The following RELN variants were observed in gnomAD, a reference collection of about 807,000 sequenced individuals.
RELN encodes the protein reelin.
RELN carries 108 observed loss-of-function variants against 427.6 expected under a neutral mutation model. The ratio of observed to expected loss-of-function variants is 0.25; its 90% CI spans 0.22 to 0.30. The LOEUF is 0.30. RELN is among the 10% of genes least tolerant of loss of function. The probability of loss-of-function intolerance (pLI) is 1.00; values close to 1 mark genes in which losing one functional copy is unlikely to be tolerated. For missense variants in RELN, 3,715 were observed against 4,302.8 expected (o/e 0.86, Z 3.82); for synonymous variants, 1,524 against 1,513.4 (o/e 1.01, Z -0.16).
At chr7:103,804,478 C>T (rs1792547764) in intron 3 of RELN, among the ~76,000 whole-genome samples, 1 of 152,114 alleles carries the variant, frequency 6.6e-6, no homozygotes, top group Non-Finnish European at 1.5e-5. Context: ...GTAAGCATTT[C>T]TTACTGTGTG....
At chr7:103,594,244 C>G in intron 26 of RELN, 77 bp downstream of exon 26, 2 of 1,407,780 alleles carry the variant, frequency 1.4e-6, no homozygotes, top group Non-Finnish European at 2.0e-6. Context: ...AGCACTAAAT[C>G]CTTAAGGAAA....
At chr7:103,979,101 A>G (rs2116837751) in intron 1 of RELN, among the ~76,000 whole-genome samples, 1 of 152,354 alleles carries the variant, frequency 6.6e-6, no homozygotes, top group African/African-American at 2.4e-5. Context: ...TTTCTCTCCT[A>G]GTAAGAACAT....
At chr7:103,710,741 A>G (rs1789773863) in intron 8 of RELN, among the ~76,000 whole-genome samples, 1 of 152,230 alleles carries the variant, frequency 6.6e-6, no homozygotes, top group African/African-American at 2.4e-5. Context: ...GTCACAGGAA[A>G]GGTGATTTGA....
chr7:103,862,033 T>C (rs1043482304), intron 2 of RELN, among the ~76,000 whole-genome samples: 1 of 152,192 alleles, frequency 6.6e-6, no homozygotes, highest in Non-Finnish European at 1.5e-5. Flanking sequence ...GGAGGGCTTA[T>C]GAATGAATTT....
Position 103,539,245 on chromosome 7 carries a change from T to C in RELN, c.7013A>G (p.His2338Arg). The change falls in exon 45 of 65, where the codon CAC (histidine) becomes CGC (arginine). Residue 2338 changes from histidine (H) to arginine (R), a missense_variant. His to Arg is a conservative substitution (Grantham distance 29, BLOSUM62 0). Around this residue, in one of 4 missense-constraint regions of RELN, gnomAD observed 1,310 missense variants for 1,643.0 expected, o/e 0.80. Coordinates refer to ENST00000428762, the MANE Select transcript of RELN (RefSeq NM_005045.4). ...CACGGGCATCTTGGTGCCTCCTGGG[T>C]GAAGCAGCCATTTCCTACTATCAAG... ...TTLDSRKWLLHPGGTKMPVCG... is the reference protein window; with the variant it reads ...TTLDSRKWLLRPGGTKMPVCG... The C allele has an allele frequency of 6.2e-7, 1 of 1,614,240 alleles. No individual in the cohort carries two copies. The highest frequency in any genetic ancestry group is 8.5e-7 in the Non-Finnish European group (1 of 1,180,046).
intron 8 of RELN, among the ~76,000 whole-genome samples, chr7:103,704,774 G>C (rs1364789966): frequency 6.6e-6 from 1 of 151,778 alleles, no homozygotes; most frequent in East Asian, 1.9e-4. Context: ...TCTCCAAGGG[G>C]TTGGCTGTCC....
chr7:103,684,964 A>G (rs973088525), intron 10 of RELN, among the ~76,000 whole-genome samples: 1 of 152,202 alleles, frequency 6.6e-6, no homozygotes, highest in Non-Finnish European at 1.5e-5. Flanking sequence ...AGTAACATGC[A>G]TGGAATATGT....
At chr7:103,486,084 C>T in intron 61 of RELN, 113 bp downstream of exon 61, 2 of 975,084 alleles carry the variant, frequency 2.1e-6, no homozygotes, top group Non-Finnish European at 3.3e-6. Context: ...CAGGTTTTCA[C>T]TGCTTAGTGA....
chr7:103,815,999 G>GA (rs1327728631), intron 3 of RELN, among the ~76,000 whole-genome samples: 4 of 151,810 alleles, frequency 2.6e-5, no homozygotes, highest in Admixed American at 1.3e-4. Context: ...CTCTAAAATA[G>GA]AAAAAAAAGG....
chr7:103,708,685 G>C (rs1313235527), intron 8 of RELN, among the ~76,000 whole-genome samples: 1 of 151,802 alleles, frequency 6.6e-6, no homozygotes, highest in Non-Finnish European at 1.5e-5. Flanking sequence ...AGATGGTCTC[G>C]ATCTCCTGAC....
chr7:103,704,360 T>C lies in RELN; in HGVS notation c.806-3354A>G, dbSNP rs115514769. 5.3e-3 allele frequency among the ~76,000 whole-genome samples: 802 copies of C among 152,296 alleles called. 4 individuals carry two copies. The highest frequency in any genetic ancestry group is 0.018 in the African/African-American group (767 of 41,550). The stretch of plus-strand genomic sequence containing the variant: ...TTTAATGTAAAATCCTATGTATACG[T>C]TCATTCTTATTAGGTTAACAATGTA... On this transcript the variant is annotated intron_variant, in intron 8 of 64. Coordinates refer to ENST00000428762, the MANE Select transcript of RELN (RefSeq NM_005045.4).
chr7:103,556,502 C>T (rs1830524621), intron 38 of RELN, among the ~76,000 whole-genome samples: 1 of 152,004 alleles, frequency 6.6e-6, no homozygotes, highest in East Asian at 1.9e-4. Flanking sequence ...TCTGTGTCCC[C>T]ACCCAAATCT....
chr7:103,662,613 G>A (rs995672112), intron 11 of RELN, among the ~76,000 whole-genome samples: 39 of 128,074 alleles, frequency 3.0e-4, no homozygotes, highest in African/African-American at 1.1e-3. Context: ...GTGACACAGC[G>A]AGACTCCGTC....
intron 13 of RELN, among the ~76,000 whole-genome samples, chr7:103,653,615 G>A (rs1832967530): frequency 6.6e-6 from 1 of 152,020 alleles, no homozygotes; most frequent in Non-Finnish European, 1.5e-5. Context: ...AATAACCAGA[G>A]CTAACACCTG....
At chr7:103,653,977 G>A (rs1327132986) in intron 13 of RELN, 116 bp downstream of exon 13, 5 of 739,164 alleles carry the variant, frequency 6.8e-6, no homozygotes, top group Middle Eastern at 4.8e-4. Context: ...GGCGACCTCT[G>A]GCCTGTCAGA....
intron 6 of RELN, among the ~76,000 whole-genome samples, chr7:103,735,509 A>T (rs1790469533): frequency 6.6e-6 from 1 of 152,158 alleles, no homozygotes; most frequent in Admixed American, 6.6e-5. Context: ...AGGAAAGAGG[A>T]GGAGGATGAA....
Position 103,496,643 on chromosome 7 carries a change from C to T in RELN, c.9076G>A (p.Val3026Met), listed in dbSNP as rs766037038. The change falls in exon 56 of 65, where the codon GTG becomes ATG. Residue 3026 changes from valine to methionine, a missense_variant. Coordinates refer to ENST00000428762, the MANE Select transcript of RELN (RefSeq NM_005045.4). ...TTRLRWWQPF[V>M]ISNGIVVSGV... ...GAGACCACAATTCCATTGCTGATCA[C>T]AAAAGGCTGCCACCAGCGAAGTCGA... 6.8e-6 allele frequency: 11 copies of T among 1,614,166 alleles called. No homozygotes were observed. The highest frequency in any genetic ancestry group is 1.7e-5 in the Admixed American group (1 of 60,012).
At chr7:103,923,896 C>G (rs1439069467) in intron 1 of RELN, among the ~76,000 whole-genome samples, 3 of 152,122 alleles carry the variant, frequency 2.0e-5, no homozygotes, top group Non-Finnish European at 2.9e-5. Context: ...GCACTACATG[C>G]CAGGTATTGT....
At chr7:103,871,967 T>G (rs972326717) in intron 2 of RELN, among the ~76,000 whole-genome samples, 4 of 151,106 alleles carry the variant, frequency 2.6e-5, no homozygotes, top group African/African-American at 9.7e-5. Context: ...ATAATGCTAA[T>G]TATTCACATG....
Sources: gnomAD v4.1 joint callset for allele counts (sites outside exome capture counted in the v4.1 genomes callset) on GRCh38, gnomAD v4.1.1 for gene constraint, gnomAD v4.1.1 regional missense constraint, MANE v1.5 for transcripts, NCBI Gene and HGNC (gene_info 2026-07-23, HGNC 2026-07-21) for gene names.